Variants in DPP6 observed in about 807,000 individuals in gnomAD.
DPP6 encodes A-type potassium channel modulatory protein DPP6.
Under a neutral mutation model 122.6 loss-of-function variants are expected in DPP6, and 69 were observed. The observed-to-expected ratio is 0.56, with a 90% confidence interval of 0.46 to 0.69. The LOEUF (loss-of-function observed/expected upper bound fraction) is 0.69. DPP6 is among the 30% of genes least tolerant of loss of function. DPP6 has a pLI of 0.00. For missense variants in DPP6, 928 were observed against 1,116.9 expected (o/e 0.83, Z 2.41); for synonymous variants, 418 against 433.1 (o/e 0.97, Z 0.43).
intron 1 of DPP6, among the ~76,000 whole-genome samples, chr7:154,364,886 G>GA (rs776549452): frequency 1.3e-5 from 2 of 152,116 alleles, no homozygotes; most frequent in Non-Finnish European, 2.9e-5. Context: ...GAAGAAGCTT[G>GA]AAAAAATGTA....
intron 3 of DPP6, among the ~76,000 whole-genome samples, chr7:154,528,959 C>A (rs1449497888): frequency 1.3e-5 from 2 of 152,078 alleles, no homozygotes; most frequent in East Asian, 1.9e-4. Context: ...GAAGAGGGGC[C>A]AAGGCCAGAA....
chr7:154,887,421 C>T (rs369904161), intron 22 of DPP6, among the ~76,000 whole-genome samples: 2 of 152,136 alleles, frequency 1.3e-5, no homozygotes, highest in African/African-American at 2.4e-5. Flanking sequence ...TAAGGTTCTG[C>T]GATGCTGATG....
At chr7:154,392,280 A>G (rs1814692684) in intron 1 of DPP6, among the ~76,000 whole-genome samples, 1 of 152,184 alleles carries the variant, frequency 6.6e-6, no homozygotes, top group Non-Finnish European at 1.5e-5. Context: ...ACTCAAACAA[A>G]CAAACAAACA....
chr7:154,274,927 A>T (rs973913248), intron 1 of DPP6, among the ~76,000 whole-genome samples: 7 of 152,256 alleles, frequency 4.6e-5, no homozygotes, highest in African/African-American at 1.2e-4. Context: ...AGGCTCTGTC[A>T]TAATCACAGG....
chr7:154,158,037 T>C (rs1796780912), intron 1 of DPP6, among the ~76,000 whole-genome samples: 1 of 149,066 alleles, frequency 6.7e-6, no homozygotes, highest in South Asian at 2.1e-4. Flanking sequence ...GCTTTCCTAC[T>C]GTAATAGATG....
intron 1 of DPP6, among the ~76,000 whole-genome samples, chr7:154,164,326 C>T (rs1460999663): frequency 6.7e-6 from 1 of 149,458 alleles, no homozygotes; most frequent in Non-Finnish European, 1.5e-5. Context: ...TGTCTCATTT[C>T]CATGATTTTT....
At chr7:154,510,529 C>G (rs1825982661) in intron 3 of DPP6, among the ~76,000 whole-genome samples, 1 of 151,962 alleles carries the variant, frequency 6.6e-6, no homozygotes, top group South Asian at 2.1e-4. Flanking sequence ...GAAACCCCAT[C>G]TCTATTAAAA....
chr7:154,795,817 C>A, intron 11 of DPP6, 28 bp from the exon 12 acceptor site: 1 of 1,598,636 alleles, frequency 6.3e-7, no homozygotes, highest in East Asian at 2.2e-5. Context: ...GAAAAACCCT[C>A]TTGTCTAATG....
the DPP6 span, among the ~76,000 whole-genome samples, chr7:153,842,859 A>C: frequency 2.0e-5 from 3 of 152,230 alleles, no homozygotes; most frequent in African/African-American, 7.2e-5. Flanking sequence ...TTCTGATAAT[A>C]TTCAAATCTC....
intron 3 of DPP6, among the ~76,000 whole-genome samples, chr7:154,494,759 CT>C (rs1824580680): frequency 6.6e-6 from 1 of 152,170 alleles, no homozygotes; most frequent in Admixed American, 6.5e-5. Context: ...AACCCACTGT[CT>C]TTCCATCAAT....
At chr7:154,257,110 C>G (rs759316405) in intron 1 of DPP6, among the ~76,000 whole-genome samples, 1 of 151,390 alleles carries the variant, frequency 6.6e-6, no homozygotes, top group African/African-American at 2.4e-5. Context: ...GATCCTCCCA[C>G]CTCAGCCTCC....
chr7:154,127,206 CAATTA>C (rs1755651079), intron 1 of DPP6, among the ~76,000 whole-genome samples: 1 of 152,106 alleles, frequency 6.6e-6, no homozygotes, highest in Non-Finnish European at 1.5e-5. Flanking sequence ...TCATTTTAAG[CAATTA>C]AATTAATATC....
At chr7:154,120,101 TCTGA>T (rs1807329368) in intron 1 of DPP6, among the ~76,000 whole-genome samples, 2 of 152,380 alleles carry the variant, frequency 1.3e-5, no homozygotes, top group African/African-American at 2.4e-5. Context: ...AAGTTTGAAC[TCTGA>T]CTGACACATT....
chr7:154,216,857 A>G, intron 1 of DPP6, among the ~76,000 whole-genome samples: 1 of 140,264 alleles, frequency 7.1e-6, no homozygotes. Flanking sequence ...TTTTCAAATT[A>G]TAAACCTCAT....
At chr7:154,398,019 C>T (rs1414218138) in intron 1 of DPP6, among the ~76,000 whole-genome samples, 1 of 152,162 alleles carries the variant, frequency 6.6e-6, no homozygotes, top group East Asian at 1.9e-4. Flanking sequence ...TACCCAACCA[C>T]TGTGATGCCG....
intron 1 of DPP6, among the ~76,000 whole-genome samples, chr7:154,389,520 C>G (rs1243530640): frequency 6.6e-6 from 1 of 152,012 alleles, no homozygotes; most frequent in East Asian, 1.9e-4. Context: ...AATTATTTCA[C>G]TATGGCTTTG....
chr7:154,355,217 G>C (rs967434913), intron 1 of DPP6, among the ~76,000 whole-genome samples: 1 of 152,104 alleles, frequency 6.6e-6, no homozygotes, highest in African/African-American at 2.4e-5. Flanking sequence ...TTTGTATTAT[G>C]TTGTTATTGT....
chr7:153,794,076 G>T, the DPP6 span, among the ~76,000 whole-genome samples: 1 of 152,220 alleles, frequency 6.6e-6, no homozygotes. Flanking sequence ...CAGTGCAGAC[G>T]GAAATGTGGG....
At chr7:154,777,381 G>A (rs550126371) in intron 10 of DPP6, among the ~76,000 whole-genome samples, 2 of 152,322 alleles carry the variant, frequency 1.3e-5, no homozygotes, top group African/African-American at 2.4e-5. Context: ...AGAACTAAGA[G>A]CGGTGGGCCC....
Sources: allele counts gnomAD v4.1 joint callset (sites outside exome capture counted in the v4.1 genomes callset), GRCh38; gene constraint gnomAD v4.1.1; transcripts MANE v1.5; gene names NCBI Gene and HGNC (gene_info 2026-07-23, HGNC 2026-07-21).